The following ATR variants were observed in gnomAD, a reference collection of about 807,000 sequenced individuals.
ATR encodes the protein serine/threonine-protein kinase ATR.
A neutral mutation model predicts 305.3 loss-of-function variants in ATR; 142 were observed. The ratio of observed to expected loss-of-function variants is 0.47; its 90% CI spans 0.41 to 0.53. The LOEUF (loss-of-function observed/expected upper bound fraction) is 0.53, where lower values mean the gene tolerates loss of function less well. ATR is among the 20% of genes least tolerant of loss of function. The probability of loss-of-function intolerance (pLI) is 0.00; values close to 1 mark genes in which losing one functional copy is unlikely to be tolerated. For synonymous variants in ATR, 1,050 were observed against 1,068.1 expected (o/e 0.98, Z 0.33); for missense variants, 2,135 against 3,133.1 (o/e 0.68, Z 7.60).
At chr3:142,462,524 A>G (rs1350957652) in intron 41 of ATR, among the ~76,000 whole-genome samples, 1 of 150,938 alleles carries the variant, frequency 6.6e-6, no homozygotes, top group Non-Finnish European at 1.5e-5. Context: ...GCTGGAGTGC[A>G]GTGGCTCAAT....
At chr3:142,509,809 T>C (rs1414218102) in intron 27 of ATR, among the ~76,000 whole-genome samples, 1 of 152,004 alleles carries the variant, frequency 6.6e-6, no homozygotes, top group Non-Finnish European at 1.5e-5. Flanking sequence ...TCATTACAAA[T>C]GTTATTCTTA....
In ATR at chr3:142,503,765, C is replaced by A. The variant is rs899447881; in HGVS notation, c.5197-312G>T. 2.6e-5 allele frequency among the ~76,000 whole-genome samples: 4 copies of A among 151,940 alleles called. No individual in the cohort carries two copies. The South Asian group carries it at 6.2e-4, about 24-fold the overall frequency. On this transcript the variant is annotated intron_variant, in intron 29 of 46. Transcript: ENST00000350721. ...GATTTGCTTACTTACATGGCAGGAC[C>A]CCCATCAATGTCCTAACACATTTAA...
chr3:142,535,644 T>G (rs1428401069), intron 20 of ATR, among the ~76,000 whole-genome samples: 2 of 152,166 alleles, frequency 1.3e-5, no homozygotes, highest in Admixed American at 1.3e-4. Context: ...ATCTTCATAA[T>G]TTTAGAGAGC....
intron 45 of ATR, among the ~76,000 whole-genome samples, chr3:142,456,859 A>G (rs866549875): frequency 6.6e-6 from 1 of 152,360 alleles, no homozygotes; most frequent in South Asian, 2.1e-4. Context: ...TAGTGGGATT[A>G]TAAAGTGTTA....
At chr3:142,560,162 T>C in intron 6 of ATR, 101 bp downstream of exon 6, 1 of 1,174,870 alleles carries the variant, frequency 8.5e-7, no homozygotes, top group South Asian at 1.3e-5. Flanking sequence ...AGTGAAAAGT[T>C]TGTGTTCTAA....
intron 21 of ATR, among the ~76,000 whole-genome samples, chr3:142,524,737 T>C (rs1444297325): frequency 2.0e-5 from 3 of 152,060 alleles, no homozygotes; most frequent in Non-Finnish European, 4.4e-5. Context: ...AAGGGTTCTG[T>C]GAGGATGGAA....
chr3:142,562,192 C>A, intron 4 of ATR, 40 bp downstream of exon 4: 1 of 1,606,732 alleles, frequency 6.2e-7, no homozygotes, highest in Non-Finnish European at 8.5e-7. Context: ...AAATGATGAA[C>A]AAAATACATA....
chr3:142,577,780 T>C (rs898773514), intron 1 of ATR, among the ~76,000 whole-genome samples: 5 of 152,244 alleles, frequency 3.3e-5, no homozygotes, highest in African/African-American at 1.2e-4. Context: ...ATTTATTTCT[T>C]GTTCGCAGTA....
chr3:142,534,366 T>C (rs796881802), intron 21 of ATR, among the ~76,000 whole-genome samples: 2 of 152,232 alleles, frequency 1.3e-5, no homozygotes, highest in African/African-American at 4.8e-5. Flanking sequence ...CAGAAAAATG[T>C]GCTCATTACC....
At position 142,493,245 on chromosome 3, in the gene ATR, T is replaced by A; in HGVS notation, c.5965A>T (p.Thr1989Ser). ...AACATGTTCTTACCCTCAGGTGGGG[T>A]TTCATTTTCAGGAAAACATAATTCA... is the stretch of plus-strand genomic sequence containing the variant. The part of the protein sequence containing the change: ...GVELCFPENE[T>S]PPEGKNMLIH... Residue 1989 changes from threonine (T) to serine (S), a missense_variant, in exon 35 of 47, where the codon ACC (threonine) becomes TCC (serine). By Grantham distance (58) the Thr-to-Ser change is moderately conservative. This residue lies in a region of ATR where 462 missense variants were observed against 887.6 expected (regional missense o/e 0.52). Coordinates refer to ENST00000350721, the MANE Select transcript of ATR (RefSeq NM_001184.4). 1 of 1,613,672 alleles carries A rather than the reference T, an allele frequency of 6.2e-7. No individual in the cohort carries two copies. Among genetic ancestry groups the A allele is most frequent in the African/African-American group, 1.3e-5 (1 of 74,966 alleles).
chr3:142,537,662 T>G (rs2108430518), intron 19 of ATR, among the ~76,000 whole-genome samples: 1 of 152,232 alleles, frequency 6.6e-6, no homozygotes, highest in South Asian at 2.1e-4. Context: ...AGCATATGGG[T>G]GAGTAGGTAA....
In ATR at chr3:142,505,449, G is replaced by A. The variant is rs2032188238; in HGVS notation, c.5032-146C>T. ...TAGTAAGCATTTGTTTCATGGCAAA[G>A]TCACAGTAAAATTATAAACTTATTT... On this transcript the variant is annotated intron_variant, in intron 28 of 46. Transcript: ENST00000350721. The A allele has an allele frequency of 4.4e-6, 4 of 917,822 alleles. No homozygotes were observed. The South Asian group carries it at 6.2e-5, about 14-fold the overall frequency. The allele number at this position is 917,822 out of a possible 1,614,324, so 56.9% of individuals were successfully genotyped here. A position where few individuals can be genotyped will look rare whatever the true frequency, so the allele number is the denominator to read the frequency against.
chr3:142,561,292 G>A lies in ATR; in HGVS notation c.1300C>T (p.Leu434Phe), dbSNP rs2034869175. Residue 434 changes from leucine (L) to phenylalanine (F), a missense_variant, in exon 5 of 47, where the codon CTC becomes TTC. Transcript: ENST00000350721. ...TTAGAAGGGTTTAGAGACGAGCTGA[G>A]ACGACGCCTTTTGGGTGATATTCCA... is the stretch of plus-strand genomic sequence containing the variant. The part of the protein sequence containing the change: ...SDGISPKRRR[L>F]SSSLNPSKRA... 6.2e-7 allele frequency: 1 copy of A among 1,614,114 alleles called. No individual in the cohort carries two copies. Among genetic ancestry groups the A allele is most frequent in the Non-Finnish European group, 8.5e-7 (1 of 1,179,980 alleles).
intron 22 of ATR, 65 bp from the exon 23 acceptor site, chr3:142,522,906 CT>C: frequency 3.3e-6 from 4 of 1,208,974 alleles, no homozygotes; most frequent in Non-Finnish European, 4.9e-6. Flanking sequence ...AGGTGTACTG[CT>C]TTTTCCATGG....
intron 12 of ATR, 69 bp from the exon 13 acceptor site, chr3:142,553,467 CAT>C: frequency 2.7e-6 from 4 of 1,503,194 alleles, no homozygotes; most frequent in Middle Eastern, 1.7e-4. Flanking sequence ...CATACACACA[CAT>C]ATGTATCTCC....
At chr3:142,568,998 T>C (rs1353082546) in intron 1 of ATR, among the ~76,000 whole-genome samples, 5 of 152,192 alleles carry the variant, frequency 3.3e-5, no homozygotes, top group African/African-American at 4.8e-5. Context: ...AGTAGGCTCC[T>C]GGGAGGAAAG....
Position 142,469,486 on chromosome 3 carries a change from G to A in ATR, c.6403C>T (p.Pro2135Ser), listed in dbSNP as rs1472375950. Reference sequence around the variant, plus strand: ...GAAAAAGCAGTCAAAAATTGATATGGAGCTAAATAGTTTGTATGCTCTGTG... The same window carrying A: ...GAAAAAGCAGTCAAAAATTGATATGAAGCTAAATAGTTTGTATGCTCTGTG... ...VITEHTNYLA[P>S]YQFLTAFSQL... The change falls in exon 38 of 47, where the codon CCA (proline) becomes TCA (serine). Residue 2135 changes from proline to serine, a missense_variant. By Grantham distance (74) the Pro-to-Ser change is moderately conservative (BLOSUM62 -1). This residue lies in a region of ATR where 462 missense variants were observed against 887.6 expected (regional missense o/e 0.52). Transcript: ENST00000350721. 1 of 1,613,574 alleles carries A rather than the reference G, an allele frequency of 6.2e-7. No individual in the cohort carries two copies. Among genetic ancestry groups the A allele is most frequent in the Non-Finnish European group, 8.5e-7 (1 of 1,179,684 alleles).
At chr3:142,523,585 AT>A (rs929059495) in intron 22 of ATR, among the ~76,000 whole-genome samples, 2 of 152,044 alleles carry the variant, frequency 1.3e-5, no homozygotes, top group East Asian at 3.9e-4. Flanking sequence ...TAAAAGTCAC[AT>A]TTTTTTTAAA....
intron 21 of ATR, among the ~76,000 whole-genome samples, chr3:142,529,405 C>T (rs2033551125): frequency 6.6e-6 from 1 of 152,108 alleles, no homozygotes; most frequent in Non-Finnish European, 1.5e-5. Context: ...TCTCCCCCTT[C>T]TCTCATTTAA....
Sources: gnomAD v4.1 joint callset for allele counts (sites outside exome capture counted in the v4.1 genomes callset) on GRCh38, gnomAD v4.1.1 for gene constraint, gnomAD v4.1.1 regional missense constraint, MANE v1.5 for transcripts, NCBI Gene and HGNC (gene_info 2026-07-23, HGNC 2026-07-21) for gene names.